Variants in ZNF697 observed in about 807,000 individuals in gnomAD.
ZNF697 encodes the protein zinc finger protein 697.
Under a neutral mutation model 32.4 loss-of-function variants are expected in ZNF697, and 23 were observed. That is an observed-to-expected ratio of 0.71 (90% CI 0.51 to 1.01). ZNF697 has a LOEUF of 1.01. Among genes scored for constraint, ZNF697 ranks in the 50% least tolerant of loss-of-function variants. ZNF697 has a pLI of 0.00. For missense variants in ZNF697, 930 were observed against 794.0 expected (o/e 1.17, Z -2.06); for synonymous variants, 418 against 337.2 (o/e 1.24, Z -2.62).
At chr1:119,626,235 T>C in intron 1 of ZNF697, 98 bp from the exon 2 acceptor site, 1 of 1,453,162 alleles carries the variant, frequency 6.9e-7, no homozygotes, top group East Asian at 2.4e-5. Flanking sequence ...TGTATGGAGT[T>C]CCAAGCCCCA....
rs1648308094 is a variant in ZNF697 at position 119,621,473 on chromosome 1, A to G, written c.*1232T>C. On this transcript the variant is annotated 3_prime_UTR_variant, in exon 3 of 3. Transcript: ENST00000421812. ...TCTATATAACAACCAGAAAACATTC[A>G]TTGTTTGTGCTATTTGGCAATTTTG... 6.6e-6 allele frequency: 1 copy of G among 152,658 alleles called. No individual in the cohort carries two copies. The highest frequency in any genetic ancestry group is 2.4e-5 in the African/African-American group (1 of 41,454). 9.5% of individuals were successfully genotyped at this position (152,658 alleles called of 1,614,324 possible). A position where few individuals can be genotyped will look rare whatever the true frequency, so the allele number is the denominator to read the frequency against.
At chr1:119,631,884 C>A (rs191183620) in intron 1 of ZNF697, among the ~76,000 whole-genome samples, 43 of 152,326 alleles carry the variant, frequency 2.8e-4, no homozygotes, top group African/African-American at 9.9e-4. Flanking sequence ...TCTTCCCACG[C>A]CCCCCTGCCC....
chr1:119,643,710 T>C lies in ZNF697; in HGVS notation c.-38+3981A>G, dbSNP rs79739879. Among the ~76,000 whole-genome samples, 152 of 152,252 alleles carry C rather than the reference T, an allele frequency of 1.0e-3. 1 individual carries two copies. The highest frequency in any genetic ancestry group is 8.3e-3 in the East Asian group (43 of 5,176). ...CAGATGTGCATGACATCTGAGAGAT[T>C]TGGCATGACAGCAAAGGGAAAGGTA... On this transcript the variant is annotated intron_variant, in intron 1 of 2. Coordinates refer to ENST00000421812, the MANE Select transcript of ZNF697 (RefSeq NM_001080470.2).
chr1:119,634,875 T>A (rs1648878574), intron 1 of ZNF697, among the ~76,000 whole-genome samples: 1 of 152,232 alleles, frequency 6.6e-6, no homozygotes, highest in Admixed American at 6.5e-5. Context: ...TCAAGGAACT[T>A]CATTTTGTCA....
intron 2 of ZNF697, among the ~76,000 whole-genome samples, chr1:119,624,654 G>A (rs1046376411): frequency 2.0e-5 from 3 of 152,166 alleles, no homozygotes; most frequent in African/African-American, 7.2e-5. Context: ...GAGTGCAGTG[G>A]CGCAATCTTG....
chr1:119,647,017 A>C (rs2101100305), intron 1 of ZNF697, among the ~76,000 whole-genome samples: 1 of 143,150 alleles, frequency 7.0e-6, no homozygotes, highest in South Asian at 2.3e-4. Context: ...GGGATACATC[A>C]CCAACTTCAA....
chr1:119,625,880 C>T lies in ZNF697; in HGVS notation c.221G>A (p.Cys74Tyr), dbSNP rs1327534964. 3 of 1,612,894 alleles carry T rather than the reference C, an allele frequency of 1.9e-6. No homozygotes were observed. Among genetic ancestry groups the T allele is most frequent in the African/African-American group, 2.7e-5 (2 of 74,690 alleles). The change falls in exon 2 of 3, where the codon TGC becomes TAC. Residue 74 changes from cysteine to tyrosine, a missense_variant. Cys to Tyr is a radical substitution (Grantham distance 194, BLOSUM62 -2). Coordinates refer to ENST00000421812, the MANE Select transcript of ZNF697 (RefSeq NM_001080470.2). ...SRHREAVPDI[C>Y]TEGQLSEEEG... ...AATCCCAGCTTTCTCCTCACCTGTG[C>T]AGATGTCGGGCACTGCTTCCCTGTG...
chr1:119,634,497 C>T (rs1648869657), intron 1 of ZNF697, among the ~76,000 whole-genome samples: 1 of 152,192 alleles, frequency 6.6e-6, no homozygotes, highest in Non-Finnish European at 1.5e-5. Flanking sequence ...ATTTTCCTGC[C>T]TAATTAAGTG....
chr1:119,631,265 G>C (rs587624791), intron 1 of ZNF697, among the ~76,000 whole-genome samples: 1 of 152,382 alleles, frequency 6.6e-6, no homozygotes, highest in East Asian at 1.9e-4. Flanking sequence ...CGCGGAGGCG[G>C]TGTCTCCTTG....
chr1:119,624,168 G>A (rs1410893034), intron 2 of ZNF697, 52 bp from the exon 3 acceptor site: 2 of 1,507,566 alleles, frequency 1.3e-6, no homozygotes, highest in Non-Finnish European at 1.8e-6. Flanking sequence ...GCATTCAAAA[G>A]ATAAGCCCAG....
chr1:119,638,893 C>T (rs1293857434), intron 1 of ZNF697, among the ~76,000 whole-genome samples: 3 of 152,110 alleles, frequency 2.0e-5, no homozygotes, highest in South Asian at 2.1e-4. Context: ...GTCAACAGCA[C>T]GGGTTAAAGT....
In ZNF697 at chr1:119,623,418, GCC is replaced by G; in HGVS notation, c.923_924del (p.Arg308ProfsTer126). The G allele has an allele frequency of 6.5e-7, 1 of 1,531,404 alleles. No homozygotes were observed. Among genetic ancestry groups the G allele is most frequent in the South Asian group, 1.2e-5 (1 of 82,952 alleles). 94.9% of individuals were successfully genotyped at this position (1,531,404 alleles called of 1,614,324 possible). ...TAGGGCTTCTCGCCCGTGTGCAGGC[GCC>G]GGTGCTTGAGCAGGTCGGCGCGCCA... is the stretch of plus-strand genomic sequence containing the variant. ...FSWRADLLKH[R>X]RLHTGEKPYP... On this transcript the variant is annotated frameshift_variant, in exon 3 of 3. Transcript: ENST00000421812. LOFTEE classifies it high-confidence loss of function.
intron 1 of ZNF697, among the ~76,000 whole-genome samples, chr1:119,643,641 T>C (rs587632929): frequency 1.3e-5 from 2 of 152,282 alleles, no homozygotes; most frequent in Admixed American, 6.5e-5. Context: ...CCCAGCCTTC[T>C]TCTCCCCCAA....
chr1:119,623,007 A>G lies in ZNF697; in HGVS notation c.1336T>C (p.Phe446Leu), dbSNP rs1204728099. 6.3e-7 allele frequency: 1 copy of G among 1,591,064 alleles called. No individual in the cohort carries two copies. The highest frequency in any genetic ancestry group is 1.3e-5 in the African/African-American group (1 of 74,412). ...PYVCRECGKG[F>L]GRNSHLVNHL... ...TTCACCAGGTGCGAGTTACGCCCGA[A>G]GCCCTTCCCGCACTCGCGGCACACG... Residue 446 changes from phenylalanine (F) to leucine (L), a missense_variant, in exon 3 of 3, where the codon TTC becomes CTC. Transcript: ENST00000421812.
chr1:119,623,423 T>G lies in ZNF697; in HGVS notation c.920A>C (p.His307Pro). The G allele has an allele frequency of 6.5e-7, 1 of 1,536,420 alleles. No individual in the cohort carries two copies. Among genetic ancestry groups the G allele is most frequent in the Non-Finnish European group, 8.7e-7 (1 of 1,142,972 alleles). ...SFSWRADLLK[H>P]RRLHTGEKPY... is the part of the protein sequence containing the mutation. ...CTTCTCGCCCGTGTGCAGGCGCCGGTGCTTGAGCAGGTCGGCGCGCCAGCT... is the reference window on the plus strand; with the variant it reads ...CTTCTCGCCCGTGTGCAGGCGCCGGGGCTTGAGCAGGTCGGCGCGCCAGCT... Residue 307 changes from histidine to proline, a missense_variant, in exon 3 of 3, where the codon CAC (histidine) becomes CCC (proline). Coordinates refer to ENST00000421812, the MANE Select transcript of ZNF697 (RefSeq NM_001080470.2).
Position 119,622,407 on chromosome 1 carries a change from T to TTCCTCAAGG in ZNF697, c.*297_*298insCCTTGAGGA, listed in dbSNP as rs35804859. The TTCCTCAAGG allele has an allele frequency of 0.63, 219,701 of 349,626 alleles. 71,716 individuals carry two copies. The highest frequency in any genetic ancestry group is 0.83 in the African/African-American group (38,856 of 46,894). 21.7% of individuals were successfully genotyped at this position (349,626 alleles called of 1,614,324 possible). ...TCCCACCCCAGCCCACGAACTGCCC[T>TTCCTCAAGG]TCCTCAAAGTGCCTGGTCCTCCAAG... On this transcript the variant is annotated 3_prime_UTR_variant, in exon 3 of 3. Transcript: ENST00000421812.
intron 1 of ZNF697, among the ~76,000 whole-genome samples, chr1:119,637,338 C>T (rs1383565633): frequency 6.6e-6 from 1 of 152,346 alleles, no homozygotes; most frequent in East Asian, 1.9e-4. Context: ...CCAACCTGAG[C>T]TTTAACAGCT....
intron 1 of ZNF697, among the ~76,000 whole-genome samples, chr1:119,631,616 G>A (rs1232956079): frequency 7.0e-6 from 1 of 143,294 alleles, no homozygotes; most frequent in Admixed American, 6.9e-5. Context: ...CCCCGCCTGG[G>A]CCCCGCCAGC....
chr1:119,643,690 G>A (rs1019317455), intron 1 of ZNF697, among the ~76,000 whole-genome samples: 1 of 152,066 alleles, frequency 6.6e-6, no homozygotes, highest in Admixed American at 6.5e-5. Flanking sequence ...TTTCTCAGAT[G>A]TGCATGACAT....
Sources: allele counts gnomAD v4.1 joint callset (sites outside exome capture counted in the v4.1 genomes callset), GRCh38; gene constraint gnomAD v4.1.1; transcripts MANE v1.5; gene names NCBI Gene and HGNC (gene_info 2026-07-23, HGNC 2026-07-21).